TMEM245: variants seen among roughly 807,000 people sequenced by gnomAD.
The protein encoded by TMEM245 is protein CG-2.
TMEM245 carries 69 observed loss-of-function variants against 101.2 expected under a neutral mutation model. That is an observed-to-expected ratio of 0.68 (90% CI 0.56 to 0.83). The LOEUF (loss-of-function observed/expected upper bound fraction) is 0.83, where lower values mean the gene tolerates loss of function less well. Among genes scored for constraint, TMEM245 ranks in the 40% least tolerant of loss-of-function variants. The probability of loss-of-function intolerance (pLI) is 0.00; values close to 1 mark genes in which losing one functional copy is unlikely to be tolerated. For missense variants in TMEM245, 1,075 were observed against 1,092.8 expected, an observed-to-expected ratio of 0.98 and a Z score of 0.23; for synonymous variants, 537 against 449.8, an observed-to-expected ratio of 1.19 and a Z score of -2.45.
At chr9:109,049,691 G>A (rs1226382767) in intron 14 of TMEM245, among the ~76,000 whole-genome samples, 2 of 152,130 alleles carry the variant, frequency 1.3e-5, no homozygotes, top group East Asian at 3.9e-4. Context: ...ACTGGGTGTG[G>A]TGGTGCACGC....
chr9:109,095,127 G>C (rs1830105239), intron 3 of TMEM245, among the ~76,000 whole-genome samples: 1 of 152,150 alleles, frequency 6.6e-6, no homozygotes, highest in Non-Finnish European at 1.5e-5. Flanking sequence ...CTCAATATGA[G>C]AGAAATTCAA....
At chr9:109,114,254 CAA>C (rs753926124) in intron 1 of TMEM245, among the ~76,000 whole-genome samples, 1 of 152,160 alleles carries the variant, frequency 6.6e-6, no homozygotes, top group Non-Finnish European at 1.5e-5. Flanking sequence ...TTTTTATATT[CAA>C]AGTCTTTAAC....
At chr9:109,107,417 A>AT (rs57533357) in intron 2 of TMEM245, among the ~76,000 whole-genome samples, 8,706 of 144,070 alleles carry the variant, frequency 0.06, 530 homozygotes, top group East Asian at 0.12. Flanking sequence ...AAAAAAAAAA[A>AT]GTTCACAAGT....
Position 109,020,250 on chromosome 9 carries a change from C to A in TMEM245, c.*210G>T. 1.6e-6 allele frequency: 1 copy of A among 621,582 alleles called. No individual in the cohort carries two copies. The highest frequency in any genetic ancestry group is 3.0e-6 in the Non-Finnish European group (1 of 338,368). 38.5% of individuals were successfully genotyped at this position (621,582 alleles called of 1,614,324 possible). ...AACAGTTAAGTGAGCAAACCACCAA[C>A]TCTGAACTCTCAAGCTGTGTTTTAA... On this transcript the variant is annotated 3_prime_UTR_variant, in exon 18 of 18. Transcript: ENST00000374586.
At chr9:109,069,424 T>C (rs1271515242) in intron 9 of TMEM245, among the ~76,000 whole-genome samples, 1 of 152,170 alleles carries the variant, frequency 6.6e-6, no homozygotes, top group Non-Finnish European at 1.5e-5. Flanking sequence ...TAAAATCCCA[T>C]ACCTGATACA....
chr9:109,069,006 G>C (rs1564190217), intron 9 of TMEM245, among the ~76,000 whole-genome samples: 1 of 152,178 alleles, frequency 6.6e-6, no homozygotes, highest in Non-Finnish European at 1.5e-5. Context: ...GTGTATTATA[G>C]CAATGCCAAT....
intron 16 of TMEM245, among the ~76,000 whole-genome samples, chr9:109,034,781 G>T (rs1828068398): frequency 6.6e-6 from 1 of 152,096 alleles, no homozygotes; most frequent in African/African-American, 2.4e-5. Context: ...AAACGTGTGG[G>T]AGTTTATGAA....
At chr9:109,074,502 T>C (rs1313158343) in intron 8 of TMEM245, among the ~76,000 whole-genome samples, 1 of 152,166 alleles carries the variant, frequency 6.6e-6, no homozygotes, top group East Asian at 1.9e-4. Context: ...TATCCTTTTC[T>C]GATGACAGAG....
intron 7 of TMEM245, among the ~76,000 whole-genome samples, chr9:109,082,403 C>A (rs576072863): frequency 7.2e-5 from 11 of 152,114 alleles, no homozygotes; most frequent in Non-Finnish European, 1.2e-4. Context: ...AAGTTAAATT[C>A]TAAAATCAAT....
At chr9:109,085,866 C>T in intron 7 of TMEM245, 131 bp downstream of exon 7, 1 of 987,338 alleles carries the variant, frequency 1.0e-6, no homozygotes, top group Non-Finnish European at 1.6e-6. Flanking sequence ...CACAACCTTC[C>T]ATAGCTTATA....
intron 14 of TMEM245, among the ~76,000 whole-genome samples, chr9:109,049,451 C>G (rs1251978672): frequency 6.6e-6 from 1 of 152,156 alleles, no homozygotes; most frequent in Non-Finnish European, 1.5e-5. Context: ...TGAGCTCGAA[C>G]AATCCTCCTG....
At chr9:109,064,936 C>T (rs1435772173) in intron 9 of TMEM245, among the ~76,000 whole-genome samples, 1 of 152,036 alleles carries the variant, frequency 6.6e-6, no homozygotes, top group African/African-American at 2.4e-5. Flanking sequence ...ATCATAGGCA[C>T]GTCACCACGC....
intron 3 of TMEM245, among the ~76,000 whole-genome samples, chr9:109,094,342 T>C (rs865928824): frequency 5.3e-5 from 8 of 152,226 alleles, no homozygotes; most frequent in African/African-American, 1.9e-4. Context: ...GCTAAAAAAA[T>C]TGTATTTCTT....
At position 109,020,291 on chromosome 9, in the gene TMEM245, G is replaced by T. The variant is rs1239406968; in HGVS notation, c.*169C>A. On this transcript the variant is annotated 3_prime_UTR_variant, in exon 18 of 18. Transcript: ENST00000374586. Reference sequence around the variant, plus strand: ...TGTGTTTTAAAATACAAAGCAGCCCGCAGCAAGTTCTCTCTTGTCCAGGCA... The same window carrying T: ...TGTGTTTTAAAATACAAAGCAGCCCTCAGCAAGTTCTCTCTTGTCCAGGCA... The T allele has an allele frequency of 2.7e-6, 2 of 730,000 alleles. No individual in the cohort carries two copies. The highest frequency in any genetic ancestry group is 2.9e-5 in the South Asian group (2 of 68,400). 45.2% of individuals were successfully genotyped at this position (730,000 alleles called of 1,614,324 possible). A position where few individuals can be genotyped will look rare whatever the true frequency, so the allele number is the denominator to read the frequency against.
intron 4 of TMEM245, 64 bp from the exon 5 acceptor site, chr9:109,091,219 G>C: frequency 7.1e-7 from 1 of 1,413,216 alleles, no homozygotes; most frequent in Non-Finnish European, 9.8e-7. Flanking sequence ...GGAATACAGA[G>C]CCACTCATTA....
chr9:109,091,980 T>C (rs964637930), intron 4 of TMEM245, among the ~76,000 whole-genome samples: 7 of 152,194 alleles, frequency 4.6e-5, no homozygotes, highest in Admixed American at 3.9e-4. Flanking sequence ...AATGTGTGGA[T>C]TGTTAATTAC....
At chr9:109,082,171 T>C (rs919569268) in intron 7 of TMEM245, among the ~76,000 whole-genome samples, 2 of 152,206 alleles carry the variant, frequency 1.3e-5, no homozygotes, top group African/African-American at 4.8e-5. Flanking sequence ...TTTATAAGCT[T>C]GTGCCCCCCT....
At chr9:109,058,735 C>A (rs1161082149) in intron 11 of TMEM245, among the ~76,000 whole-genome samples, 1 of 152,024 alleles carries the variant, frequency 6.6e-6, no homozygotes, top group Non-Finnish European at 1.5e-5. Context: ...GCCTCAGTCT[C>A]CCCGAGTAGC....
At chr9:109,054,090 G>A (rs971012863) in intron 12 of TMEM245, among the ~76,000 whole-genome samples, 1 of 152,172 alleles carries the variant, frequency 6.6e-6, no homozygotes, top group Non-Finnish European at 1.5e-5. Context: ...CAGCACTTTG[G>A]GAGGCCGAGG....
Sources: allele counts gnomAD v4.1 joint callset (sites outside exome capture counted in the v4.1 genomes callset), GRCh38; gene constraint gnomAD v4.1.1; transcripts MANE v1.5; gene names NCBI Gene and HGNC (gene_info 2026-07-23, HGNC 2026-07-21).